The following ACYP2 variants were observed in gnomAD, a reference collection of about 807,000 sequenced individuals.
ACYP2 encodes the protein acylphosphatase-2.
ACYP2 carries 12 observed loss-of-function variants against 11.2 expected under a neutral mutation model. That is an observed-to-expected ratio of 1.08 (90% confidence interval 0.69 to 1.74). ACYP2 has a LOEUF of 1.74. ACYP2 is among the 40% of genes most tolerant of loss of function. The pLI, the probability that ACYP2 is intolerant of heterozygous loss-of-function variation, is 0.00. For synonymous variants in ACYP2, 43 were observed against 32.2 expected (o/e 1.33, Z -1.13); for missense variants, 134 against 101.9 (o/e 1.31, Z -1.35).
intron 2 of ACYP2, among the ~76,000 whole-genome samples, chr2:54,043,481 A>G (rs562754582): frequency 6.6e-5 from 10 of 152,306 alleles, no homozygotes; most frequent in Non-Finnish European, 1.3e-4. Flanking sequence ...CTGACTTTCA[A>G]ATGCCCTGCA....
At chr2:54,142,497 CG>C (rs1314220481) in intron 6 of ACYP2, 1 of 151,998 alleles carries the variant, frequency 6.6e-6, no homozygotes, top group East Asian at 1.9e-4. Context: ...CTGAGGCGGG[CG>C]GATCACTTGA....
chr2:54,242,442 CA>C (rs1209256828), intron 6 of ACYP2, among the ~76,000 whole-genome samples: 2 of 152,096 alleles, frequency 1.3e-5, no homozygotes, highest in Non-Finnish European at 2.9e-5. Context: ...TTATATTTAG[CA>C]GAATGAACAT....
At chr2:54,275,457 A>G (rs1224204821) in intron 6 of ACYP2, among the ~76,000 whole-genome samples, 1 of 152,216 alleles carries the variant, frequency 6.6e-6, no homozygotes, top group African/African-American at 2.4e-5. Context: ...TTTAATTTTG[A>G]AAGAGGAATA....
chr2:54,162,484 G>A (rs916916425), intron 6 of ACYP2, among the ~76,000 whole-genome samples: 1 of 152,114 alleles, frequency 6.6e-6, no homozygotes, highest in African/African-American at 2.4e-5. Context: ...TAAGCCTGTG[G>A]TGTGGTTCCT....
At chr2:54,011,387 T>A (rs1673365601) in intron 2 of ACYP2, among the ~76,000 whole-genome samples, 1 of 152,208 alleles carries the variant, frequency 6.6e-6, no homozygotes, top group African/African-American at 2.4e-5. Context: ...TAATATTCAT[T>A]GGCACTGTTT....
chr2:54,098,464 A>G (rs1164433315), intron 4 of ACYP2, among the ~76,000 whole-genome samples: 2 of 152,072 alleles, frequency 1.3e-5, no homozygotes, highest in African/African-American at 4.8e-5. Context: ...CAGTTGTCCC[A>G]TGGAATGTCC....
intron 2 of ACYP2, among the ~76,000 whole-genome samples, chr2:53,979,594 T>G (rs1671654688): frequency 6.6e-6 from 1 of 150,656 alleles, no homozygotes; most frequent in South Asian, 2.1e-4. Context: ...GCCACTGCAC[T>G]CCAGCCTGGC....
intron 6 of ACYP2, among the ~76,000 whole-genome samples, chr2:54,215,119 G>A (rs1352480857): frequency 2.9e-4 from 44 of 152,176 alleles, no homozygotes. Flanking sequence ...AAACTTCGAA[G>A]TTGTTTATCA....
intron 2 of ACYP2, among the ~76,000 whole-genome samples, chr2:54,023,233 A>T (rs1348449629): frequency 6.6e-6 from 1 of 151,936 alleles, no homozygotes; most frequent in Non-Finnish European, 1.5e-5. Flanking sequence ...GTGGGTTGTG[A>T]CCATATATTT....
chr2:54,253,371 T>C (rs1464994637), intron 6 of ACYP2: 4 of 152,216 alleles, frequency 2.6e-5, no homozygotes, highest in Non-Finnish European at 5.9e-5. Context: ...ATTCCAAATA[T>C]TTCTATTTGA....
At chr2:54,103,601 T>A (rs373879391) in intron 4 of ACYP2, among the ~76,000 whole-genome samples, 27 of 152,374 alleles carry the variant, frequency 1.8e-4, no homozygotes, top group African/African-American at 6.0e-4. Flanking sequence ...TATGGCTTAG[T>A]TATTACTCTG....
At chr2:54,201,700 T>C (rs943064109) in intron 6 of ACYP2, among the ~76,000 whole-genome samples, 24 of 126,938 alleles carry the variant, frequency 1.9e-4, no homozygotes, top group Admixed American at 8.9e-4. Context: ...CTCTCTCTCT[T>C]TTTTCTTTTC....
chr2:54,183,769 ATG>A (rs1683849612), intron 6 of ACYP2, among the ~76,000 whole-genome samples: 1 of 152,176 alleles, frequency 6.6e-6, no homozygotes, highest in African/African-American at 2.4e-5. Context: ...TAATTTATGA[ATG>A]TATTTAATCT....
chr2:54,096,264 CTCAGA>C (rs1399192590), intron 4 of ACYP2, among the ~76,000 whole-genome samples: 15 of 146,126 alleles, frequency 1.0e-4, no homozygotes, highest in African/African-American at 3.8e-4. Flanking sequence ...CTCCCCACAT[CTCAGA>C]CGATGGGTGG....
chr2:54,017,273 T>TTTTA (rs754610902), intron 2 of ACYP2, among the ~76,000 whole-genome samples: 28 of 47,696 alleles, frequency 5.9e-4, no homozygotes, highest in African/African-American at 4.1e-3. Flanking sequence ...TTTTCTTTTC[T>TTTTA]TTTTTTTTTT....
At chr2:54,137,957 T>A (rs549011108) in intron 5 of ACYP2, among the ~76,000 whole-genome samples, 1 of 152,192 alleles carries the variant, frequency 6.6e-6, no homozygotes, top group Non-Finnish European at 1.5e-5. Context: ...ATTTTTTGGC[T>A]TTTTAATAAT....
intron 6 of ACYP2, among the ~76,000 whole-genome samples, chr2:54,238,053 T>C (rs1686572340): frequency 6.6e-6 from 1 of 152,218 alleles, no homozygotes; most frequent in Non-Finnish European, 1.5e-5. Flanking sequence ...TTTCAAGATA[T>C]GTCTAAGACT....
chr2:53,988,362 G>A (rs964243055), intron 2 of ACYP2, among the ~76,000 whole-genome samples: 1 of 152,040 alleles, frequency 6.6e-6, no homozygotes, highest in Non-Finnish European at 1.5e-5. Context: ...CAAGGTTTAT[G>A]TTTTGCCTAT....
At chr2:54,160,472 A>G (rs1682662956) in intron 6 of ACYP2, among the ~76,000 whole-genome samples, 1 of 152,180 alleles carries the variant, frequency 6.6e-6, no homozygotes, top group Non-Finnish European at 1.5e-5. Flanking sequence ...AATGCCATCT[A>G]CACTTCTCAA....
Sources: gnomAD v4.1 joint callset for allele counts (sites outside exome capture counted in the v4.1 genomes callset) on GRCh38, gnomAD v4.1.1 for gene constraint, MANE v1.5 for transcripts, NCBI Gene and HGNC (gene_info 2026-07-23, HGNC 2026-07-21) for gene names.